The following SLCO2B1 variants were observed in gnomAD, a reference collection of about 807,000 sequenced individuals.
SLCO2B1 encodes the protein OATP-RP2.
Under a neutral mutation model 67.3 loss-of-function variants are expected in SLCO2B1, and 41 were observed. The observed-to-expected ratio is 0.61, with a 90% CI of 0.47 to 0.79. The LOEUF (loss-of-function observed/expected upper bound fraction) is 0.79, where lower values mean the gene tolerates loss of function less well. SLCO2B1 is among the 30% of genes least tolerant of loss of function. The pLI, the probability that SLCO2B1 is intolerant of heterozygous loss-of-function variation, is 0.00. For synonymous variants in SLCO2B1, 379 were observed against 381.4 expected, an observed-to-expected ratio of 0.99 and a Z score of 0.07; for missense variants, 837 against 920.1, an observed-to-expected ratio of 0.91 and a Z score of 1.17.
At chr11:75,178,037 T>C (rs1950046027) in intron 7 of SLCO2B1, among the ~76,000 whole-genome samples, 1 of 147,178 alleles carries the variant, frequency 6.8e-6, no homozygotes, top group Non-Finnish European at 1.5e-5. Context: ...GAGGTTGCAG[T>C]GAGCCGAGAT....
chr11:75,204,151 C>T (rs376514516), intron 13 of SLCO2B1: 13 of 354,982 alleles, frequency 3.7e-5, no homozygotes, highest in African/African-American at 1.0e-4. Context: ...CCCTTGGGCT[C>T]GGAGAGAGGC....
intron 7 of SLCO2B1, 73 bp from the exon 8 acceptor site, chr11:75,188,063 C>T (rs1434184982): frequency 9.6e-7 from 1 of 1,037,346 alleles, no homozygotes; most frequent in Non-Finnish European, 1.5e-6. Context: ...ACCTCTCCTC[C>T]CCAGCCCACA....
intron 6 of SLCO2B1, among the ~76,000 whole-genome samples, chr11:75,171,247 C>T (rs1340938412): frequency 6.6e-6 from 1 of 152,170 alleles, no homozygotes; most frequent in African/African-American, 2.4e-5. Flanking sequence ...GGGGTTGGTA[C>T]ATCAAGGAGC....
intron 7 of SLCO2B1, among the ~76,000 whole-genome samples, chr11:75,173,853 A>G (rs1434109350): frequency 6.6e-6 from 1 of 152,210 alleles, no homozygotes; most frequent in Non-Finnish European, 1.5e-5. Flanking sequence ...GTCTTACCCT[A>G]TTGCCCAGGC....
chr11:75,203,223 A>C, intron 12 of SLCO2B1, 84 bp from the exon 13 acceptor site: 1 of 1,540,884 alleles, frequency 6.5e-7, no homozygotes, highest in South Asian at 1.2e-5. Context: ...AGTAACCCAG[A>C]GCCCCTGAGG....
intron 1 of SLCO2B1, among the ~76,000 whole-genome samples, chr11:75,152,743 T>G (rs1446361934): frequency 6.6e-6 from 1 of 151,704 alleles, no homozygotes. Flanking sequence ...CCCACTGACC[T>G]TCCACACAGA....
intron 8 of SLCO2B1, among the ~76,000 whole-genome samples, chr11:75,192,108 C>G (rs531377193): frequency 2.0e-5 from 3 of 152,204 alleles, no homozygotes; most frequent in Admixed American, 6.5e-5. Context: ...AGATCCCCCC[C>G]ACCATTCTTT....
intron 10 of SLCO2B1, 146 bp from the exon 11 acceptor site, chr11:75,200,078 C>T (rs372253798): frequency 7.8e-5 from 59 of 760,806 alleles, no homozygotes; most frequent in African/African-American, 6.0e-4. Flanking sequence ...GCTCAGCCAA[C>T]GGGTCACGAT....
intron 1 of SLCO2B1, among the ~76,000 whole-genome samples, chr11:75,156,911 A>G (rs1299955971): frequency 1.3e-5 from 2 of 152,248 alleles, no homozygotes; most frequent in African/African-American, 2.4e-5. Context: ...GGGCATTCTC[A>G]TCGCCATCTT....
In SLCO2B1 at chr11:75,169,387, C is replaced by A. The variant is rs1412362213; in HGVS notation, c.663C>A (p.Ser221Arg). ...ACATCGATGACTTTGCCCACAACAG[C>A]AACTCGCCCCTCTACCTCGGTGAGG... ...ISYIDDFAHN[S>R]NSPLYLGILF... Residue 221 changes from serine (S) to arginine (R), a missense_variant, in exon 5 of 14, where the codon AGC becomes AGA. Transcript: ENST00000289575. 2 of 1,601,192 alleles carry A rather than the reference C, an allele frequency of 1.2e-6. No homozygotes were observed. Among genetic ancestry groups the A allele is most frequent in the African/African-American group, 2.7e-5 (2 of 74,776 alleles).
intron 1 of SLCO2B1, among the ~76,000 whole-genome samples, chr11:75,155,557 C>T (rs1949737168): frequency 6.6e-6 from 1 of 152,154 alleles, no homozygotes; most frequent in Non-Finnish European, 1.5e-5. Flanking sequence ...TCCCAGATTC[C>T]AGCAATTCTC....
intron 7 of SLCO2B1, among the ~76,000 whole-genome samples, chr11:75,175,302 G>C (rs1950010292): frequency 6.6e-6 from 1 of 152,138 alleles, no homozygotes; most frequent in African/African-American, 2.4e-5. Context: ...GGTTGGCCTG[G>C]CCCAGGAGGG....
chr11:75,165,033 G>T (rs1441334541), intron 3 of SLCO2B1, among the ~76,000 whole-genome samples: 1 of 152,170 alleles, frequency 6.6e-6, no homozygotes, highest in Non-Finnish European at 1.5e-5. Flanking sequence ...AAGCAGCAGA[G>T]CCAATGCACC....
At chr11:75,163,613 C>CGGT (rs1949850174) in intron 2 of SLCO2B1, among the ~76,000 whole-genome samples, 1 of 152,102 alleles carries the variant, frequency 6.6e-6, no homozygotes, top group Non-Finnish European at 1.5e-5. Context: ...ACCCTACTCT[C>CGGT]GGTCTTGTGG....
chr11:75,174,028 C>G (rs926237677), intron 7 of SLCO2B1, among the ~76,000 whole-genome samples: 2 of 152,132 alleles, frequency 1.3e-5, no homozygotes, highest in African/African-American at 4.8e-5. Context: ...TCTCGAACCC[C>G]TAACCTCAGG....
intron 4 of SLCO2B1, among the ~76,000 whole-genome samples, chr11:75,167,360 T>C (rs1949905718): frequency 6.6e-6 from 1 of 152,188 alleles, no homozygotes. Context: ...ATTTTCACTT[T>C]TTCTGTGCAA....
chr11:75,203,085 A>T, intron 12 of SLCO2B1, 120 bp downstream of exon 12: 1 of 1,170,230 alleles, frequency 8.5e-7, no homozygotes, highest in Non-Finnish European at 1.3e-6. Flanking sequence ...TCACAAGCTC[A>T]TGGGGTGACA....
rs889870412 is a variant in SLCO2B1, at chr11:75,169,196, G to C, written c.472G>C (p.Ala158Pro). 6.2e-7 allele frequency: 1 copy of C among 1,613,708 alleles called. No homozygotes were observed. Among genetic ancestry groups the C allele is most frequent in the Admixed American group, 1.7e-5 (1 of 59,996 alleles). The change falls in exon 5 of 14, where the codon GCT (alanine) becomes CCT (proline). Residue 158 changes from alanine to proline, a missense_variant. Transcript: ENST00000289575. ...AGAGGATATGCCACAGGACTTCAAG[G>C]CTTCCCTGTGCCTGCCCACAACCTC... ...SPEDMPQDFK[A>P]SLCLPTTSAP... is the part of the protein sequence containing the mutation.
intron 6 of SLCO2B1, among the ~76,000 whole-genome samples, chr11:75,171,672 G>A (rs1949962019): frequency 6.6e-6 from 1 of 152,170 alleles, no homozygotes; most frequent in African/African-American, 2.4e-5. Context: ...CAGCCAGGAG[G>A]TACACCTGGG....
Sources: allele counts gnomAD v4.1 joint callset (sites outside exome capture counted in the v4.1 genomes callset), GRCh38; gene constraint gnomAD v4.1.1; transcripts MANE v1.5; gene names NCBI Gene and HGNC (gene_info 2026-07-23, HGNC 2026-07-21).